Variants in THRB observed in about 807,000 individuals in gnomAD.
THRB encodes thyroid hormone receptor beta.
In THRB, 12 loss-of-function variants were observed where a neutral mutation model predicts 47.8. The ratio of observed to expected loss-of-function variants is 0.25; its 90% CI spans 0.16 to 0.41. The LOEUF (loss-of-function observed/expected upper bound fraction) is 0.41, where lower values mean the gene tolerates loss of function less well. Ranked by LOEUF, THRB falls within the 10% of genes least tolerant of loss-of-function variation. The pLI is 1.00. For synonymous variants in THRB, 218 were observed against 212.2 expected, an observed-to-expected ratio of 1.03 and a Z score of -0.24; for missense variants, 348 against 589.2, an observed-to-expected ratio of 0.59 and a Z score of 4.24.
chr3:24,328,073 G>C (rs931180753), intron 2 of THRB, among the ~76,000 whole-genome samples: 1 of 152,066 alleles, frequency 6.6e-6, no homozygotes, highest in African/African-American at 2.4e-5. Context: ...AATCAGTAAA[G>C]TACACATTAA....
At chr3:24,293,041 T>TCAAAACAAAGCAGG (rs2056101936) in intron 3 of THRB, among the ~76,000 whole-genome samples, 2 of 152,098 alleles carry the variant, frequency 1.3e-5, no homozygotes, top group Admixed American at 6.5e-5. Flanking sequence ...GCTCATAATT[T>TCAAAACAAAGCAGG]TTTGCACCTG....
At chr3:24,207,190 A>C (rs1258824710) in intron 4 of THRB, among the ~76,000 whole-genome samples, 3 of 152,098 alleles carry the variant, frequency 2.0e-5, no homozygotes, top group Non-Finnish European at 2.9e-5. Context: ...GAGACACAAC[A>C]AAAAAAGAGA....
intron 5 of THRB, among the ~76,000 whole-genome samples, chr3:24,184,244 G>C (rs1278012594): frequency 6.6e-6 from 1 of 152,204 alleles, no homozygotes; most frequent in African/African-American, 2.4e-5. Flanking sequence ...CAGACATTTA[G>C]ATCGCTTCCA....
intron 1 of THRB, among the ~76,000 whole-genome samples, chr3:24,427,084 G>A (rs1347233597): frequency 6.6e-6 from 1 of 151,974 alleles, no homozygotes; most frequent in South Asian, 2.1e-4. Flanking sequence ...TGACATGTGA[G>A]AGACAAGACA....
At chr3:24,188,033 C>A (rs2042825397) in intron 5 of THRB, among the ~76,000 whole-genome samples, 1 of 152,216 alleles carries the variant, frequency 6.6e-6, no homozygotes, top group East Asian at 1.9e-4. Flanking sequence ...TGAGGAAGGA[C>A]TTTAATAATT....
intron 3 of THRB, among the ~76,000 whole-genome samples, chr3:24,287,200 C>G (rs1051133158): frequency 6.6e-6 from 1 of 152,058 alleles, no homozygotes; most frequent in Non-Finnish European, 1.5e-5. Context: ...TAACTCTGTT[C>G]GTCCCCTACC....
In THRB at chr3:24,120,678, G is replaced by GAGAGGAAGCTGAAATATTAGC. The variant is rs1241274386; in HGVS notation, c.*2185_*2205dup. ...AGCGGTTGGTTCCTCAAGGAGTCAA[G>GAGAGGAAGCTGAAATATTAGC]AGAGGAAGCTGAAATATTAGCAGAG... is the stretch of plus-strand genomic sequence containing the variant. On this transcript the variant is annotated 3_prime_UTR_variant, in exon 11 of 11. Coordinates refer to ENST00000646209, the MANE Select transcript of THRB (RefSeq NM_001354712.2). The GAGAGGAAGCTGAAATATTAGC allele has an allele frequency of 6.6e-6, 1 of 152,286 alleles. No individual in the cohort carries two copies. Among genetic ancestry groups the GAGAGGAAGCTGAAATATTAGC allele is most frequent in the African/African-American group, 2.4e-5 (1 of 41,464 alleles). The allele number at this position is 152,286 out of a possible 1,614,324, so 9.4% of individuals were successfully genotyped here.
At chr3:24,326,366 G>T (rs970876168) in intron 2 of THRB, among the ~76,000 whole-genome samples, 1 of 152,108 alleles carries the variant, frequency 6.6e-6, no homozygotes, top group Non-Finnish European at 1.5e-5. Flanking sequence ...CTCCCAAGTA[G>T]CTGGGATTAC....
intron 2 of THRB, among the ~76,000 whole-genome samples, chr3:24,312,539 G>T (rs528037722): frequency 6.6e-6 from 1 of 152,110 alleles, no homozygotes; most frequent in Admixed American, 6.6e-5. Context: ...CTACGTATAC[G>T]CCCACATTTG....
At chr3:24,161,269 T>TTC (rs1211315282) in intron 5 of THRB, among the ~76,000 whole-genome samples, 1 of 152,248 alleles carries the variant, frequency 6.6e-6, no homozygotes, top group Non-Finnish European at 1.5e-5. Context: ...ATCAGCGTCC[T>TTC]TAAGTTACAT....
chr3:24,477,085 G>GGT (rs71855335), intron 1 of THRB, among the ~76,000 whole-genome samples: 16,322 of 137,466 alleles, frequency 0.12, 1,602 homozygotes, highest in African/African-American at 0.28. Context: ...CATATAAAGG[G>GGT]GTGTGTGTGT....
intron 3 of THRB, among the ~76,000 whole-genome samples, chr3:24,281,366 A>C (rs1179025239): frequency 1.7e-4 from 26 of 151,678 alleles, no homozygotes; most frequent in East Asian, 5.8e-4. Context: ...GAAATAAAAT[A>C]CTTTACAGAC....
chr3:24,279,485 C>T (rs563091753), intron 3 of THRB, among the ~76,000 whole-genome samples: 3 of 151,990 alleles, frequency 2.0e-5, no homozygotes, highest in South Asian at 2.1e-4. Context: ...CCCGGGTTCA[C>T]GCCATTCTCC....
intron 4 of THRB, among the ~76,000 whole-genome samples, chr3:24,213,731 C>T (rs986781177): frequency 2.0e-5 from 3 of 152,248 alleles, no homozygotes; most frequent in East Asian, 1.9e-4. Flanking sequence ...CTGGAAAGTG[C>T]GACTAGAAGA....
chr3:24,305,079 C>G (rs1328505447), intron 2 of THRB, among the ~76,000 whole-genome samples: 2 of 152,128 alleles, frequency 1.3e-5, no homozygotes, highest in African/African-American at 2.4e-5. Flanking sequence ...ACAGATAATT[C>G]CAATGCTATT....
At chr3:24,378,938 T>C (rs560485406) in intron 1 of THRB, among the ~76,000 whole-genome samples, 48 of 152,244 alleles carry the variant, frequency 3.2e-4, no homozygotes, top group Non-Finnish European at 4.9e-4. Context: ...ATTAGGTACA[T>C]ACTTTTCCAG....
chr3:24,139,399 TTTGAGACATGGTTTTAC>T (rs1229424952), intron 8 of THRB, among the ~76,000 whole-genome samples: 2 of 151,734 alleles, frequency 1.3e-5, no homozygotes. Context: ...CTTTTTTTTT[TTTGAGACATGGTTTTAC>T]TCTGTTGTCC....
Position 24,320,541 on chromosome 3 carries a change from A to G in THRB, c.-189+16759T>C, listed in dbSNP as rs994514716. On this transcript the variant is annotated intron_variant, in intron 2 of 10. Coordinates refer to ENST00000646209, the MANE Select transcript of THRB (RefSeq NM_001354712.2). ...AATGTATGAACATGTTTCTGAGTTGAGAACCAGCACTGATGTTTTGGCAGA... is the reference window on the plus strand; with the variant it reads ...AATGTATGAACATGTTTCTGAGTTGGGAACCAGCACTGATGTTTTGGCAGA... Among the ~76,000 whole-genome samples the G allele has an allele frequency of 2.0e-5, 3 of 152,160 alleles. No homozygotes were observed. The East Asian group carries it at 5.8e-4, about 29-fold the overall frequency.
At chr3:24,241,099 A>G (rs891916948) in intron 3 of THRB, among the ~76,000 whole-genome samples, 1 of 152,228 alleles carries the variant, frequency 6.6e-6, no homozygotes, top group Admixed American at 6.5e-5. Flanking sequence ...CTGTGGCAAC[A>G]AAACGGCAAT....
Sources: gnomAD v4.1 joint callset for allele counts (sites outside exome capture counted in the v4.1 genomes callset) on GRCh38, gnomAD v4.1.1 for gene constraint, MANE v1.5 for transcripts, NCBI Gene and HGNC (gene_info 2026-07-23, HGNC 2026-07-21) for gene names.